The following BICD2 variants were observed in gnomAD, a reference collection of about 807,000 sequenced individuals.
The protein encoded by BICD2 is BICD cargo adaptor 2, also known as protein bicaudal D homolog 2.
Under a neutral mutation model 72.9 loss-of-function variants are expected in BICD2, and 25 were observed. The observed-to-expected ratio is 0.34, with a 90% confidence interval of 0.25 to 0.48. BICD2 has a LOEUF of 0.48. Ranked by LOEUF, BICD2 falls within the 20% of genes least tolerant of loss-of-function variation. The probability of loss-of-function intolerance (pLI) is 0.99; values close to 1 mark genes in which losing one functional copy is unlikely to be tolerated. For missense variants in BICD2, 894 were observed against 1,175.2 expected, an observed-to-expected ratio of 0.76 and a Z score of 3.50; for synonymous variants, 501 against 516.1, an observed-to-expected ratio of 0.97 and a Z score of 0.40.
intron 1 of BICD2, among the ~76,000 whole-genome samples, chr9:92,758,105 G>A (rs1410475123): frequency 6.6e-6 from 1 of 152,092 alleles, no homozygotes; most frequent in East Asian, 1.9e-4. Context: ...TCGGGAGGCT[G>A]AGGCAGGAGA....
At chr9:92,746,978 T>C (rs1854026438) in intron 1 of BICD2, among the ~76,000 whole-genome samples, 1 of 152,228 alleles carries the variant, frequency 6.6e-6, no homozygotes, top group Admixed American at 6.5e-5. Context: ...AATGTCTGAC[T>C]GTTGAGGTCA....
chr9:92,725,867 A>C (rs558072805), intron 2 of BICD2, among the ~76,000 whole-genome samples: 1 of 152,356 alleles, frequency 6.6e-6, no homozygotes, highest in Admixed American at 6.5e-5. Context: ...GGCAAATATG[A>C]AGAAAGATCT....
chr9:92,746,719 T>C (rs1854022063), intron 1 of BICD2, among the ~76,000 whole-genome samples: 1 of 152,098 alleles, frequency 6.6e-6, no homozygotes, highest in Non-Finnish European at 1.5e-5. Flanking sequence ...GTGATGGCTC[T>C]TAGAGAAGCC....
rs754808774 is a variant in BICD2, at chr9:92,764,695, G to C, written c.50C>G (p.Ala17Gly). 4 of 1,573,158 alleles carry C rather than the reference G, an allele frequency of 2.5e-6. No individual in the cohort carries two copies. The highest frequency in any genetic ancestry group is 3.4e-6 in the Non-Finnish European group (4 of 1,166,428). Residue 17 changes from alanine to glycine, a missense_variant, in exon 1 of 7, where the codon GCG (alanine) becomes GGG (glycine). Ala to Gly is a moderately conservative substitution (Grantham distance 60). Around this residue, in one of 5 missense-constraint regions of BICD2, gnomAD observed 192 missense variants for 243.6 expected, o/e 0.79. Transcript: ENST00000356884. The surrounding 1 kb of genome is among the most constrained non-coding windows in gnomAD (Gnocchi z 5.5). ...CTCGGCGCGCAGCCACTCCGGCTGC[G>C]CCTCCATCACCAGCCGCGCGTACTC... ...EEEYARLVME[A>G]QPEWLRAEVK...
In BICD2 at chr9:92,714,980, G is replaced by T. The variant is rs554742961; in HGVS notation, c.*174C>A. 4 of 1,402,890 alleles carry T rather than the reference G, an allele frequency of 2.9e-6. No homozygotes were observed. Among genetic ancestry groups the T allele is most frequent in the African/African-American group, 1.5e-5 (1 of 68,672 alleles). 86.9% of individuals were successfully genotyped at this position (1,402,890 alleles called of 1,614,324 possible). A position where few individuals can be genotyped will look rare whatever the true frequency, so the allele number is the denominator to read the frequency against. Reference sequence around the variant, plus strand: ...GAGGGGGCTTTGAGGAGTGAGAAGCGACACAAAGCTCTCACAAGTGTCCTG... The same window carrying T: ...GAGGGGGCTTTGAGGAGTGAGAAGCTACACAAAGCTCTCACAAGTGTCCTG... On this transcript the variant is annotated 3_prime_UTR_variant, in exon 7 of 7. Coordinates refer to ENST00000356884, the MANE Select transcript of BICD2 (RefSeq NM_001003800.2).
intron 1 of BICD2, among the ~76,000 whole-genome samples, chr9:92,750,070 A>G (rs1226850244): frequency 6.6e-6 from 1 of 152,220 alleles, no homozygotes; most frequent in Non-Finnish European, 1.5e-5. Flanking sequence ...AGAAAGAGAC[A>G]CCAGTAAGGT....
chr9:92,728,558 G>C (rs964058272), intron 2 of BICD2, among the ~76,000 whole-genome samples: 1 of 152,164 alleles, frequency 6.6e-6, no homozygotes, highest in African/African-American at 2.4e-5. Context: ...TCTCAGACAC[G>C]CACACCCTAC....
intron 1 of BICD2, among the ~76,000 whole-genome samples, chr9:92,738,809 T>C (rs1853840045): frequency 6.6e-6 from 1 of 152,220 alleles, no homozygotes; most frequent in South Asian, 2.1e-4. Flanking sequence ...GGAACAACAC[T>C]TGCCAAGCCA....
At position 92,729,186 on chromosome 9, in the gene BICD2, C is replaced by T. The variant is rs781207294; in HGVS notation, c.291G>A (p.Glu97=). ...TNHKKVAADG[E]SREESLIQES... is the part of the protein sequence containing the mutation. ...CCTGGATCAGGCTCTCCTCCCGGCT[C>T]TCTCCGTCAGCAGCCACCTTCTTGT... is the stretch of plus-strand genomic sequence containing the variant. Residue 97 remains glutamate (E), a synonymous_variant, in exon 2 of 7, where the codon GAG becomes GAA. Coordinates refer to ENST00000356884, the MANE Select transcript of BICD2 (RefSeq NM_001003800.2). 1.2e-6 allele frequency: 2 copies of T among 1,614,258 alleles called. No individual in the cohort carries two copies. The highest frequency in any genetic ancestry group is 4.5e-5 in the East Asian group (2 of 44,892).
chr9:92,753,757 T>G (rs1426291563), intron 1 of BICD2, among the ~76,000 whole-genome samples: 1 of 151,518 alleles, frequency 6.6e-6, no homozygotes, highest in East Asian at 2.0e-4. Context: ...GCCAGGATGG[T>G]CTCGATCTCC....
intron 1 of BICD2, among the ~76,000 whole-genome samples, chr9:92,751,931 G>A (rs1042404284): frequency 3.3e-5 from 5 of 151,318 alleles, no homozygotes; most frequent in Non-Finnish European, 7.4e-5. Context: ...CAGCCTCCTG[G>A]GTAGCTGGGA....
chr9:92,737,189 A>C (rs947922453), intron 1 of BICD2, among the ~76,000 whole-genome samples: 2 of 152,178 alleles, frequency 1.3e-5, no homozygotes, highest in Admixed American at 1.3e-4. Context: ...CGATTTCCTC[A>C]TGTGAAACCT....
chr9:92,719,147 C>A lies in BICD2; in HGVS notation c.1498G>T (p.Ala500Ser), dbSNP rs764409038. ...TTCTTTAGCTCCTTCTCCAGCCGGG[C>A]CAGCAGCTCGCGGTCCTGGCGGCTG... ...KASRQDRELLARLEKELKKVS... is the reference protein window; with the variant it reads ...KASRQDRELLSRLEKELKKVS... Residue 500 changes from alanine (A) to serine (S), a missense_variant, in exon 5 of 7, where the codon GCC becomes TCC. This residue lies in a region of BICD2 where 371 missense variants were observed against 439.1 expected (regional missense o/e 0.84). Coordinates refer to ENST00000356884, the MANE Select transcript of BICD2 (RefSeq NM_001003800.2). 6.2e-7 allele frequency: 1 copy of A among 1,611,984 alleles called. No individual in the cohort carries two copies. Among genetic ancestry groups the A allele is most frequent in the African/African-American group, 1.3e-5 (1 of 75,068 alleles).
chr9:92,762,967 CT>C (rs1854401695), intron 1 of BICD2, among the ~76,000 whole-genome samples: 1 of 152,220 alleles, frequency 6.6e-6, no homozygotes, highest in African/African-American at 2.4e-5. Context: ...AGCCCCCTGC[CT>C]CCCTATCACA....
At chr9:92,748,954 C>T (rs138420426) in intron 1 of BICD2, among the ~76,000 whole-genome samples, 104 of 152,148 alleles carry the variant, frequency 6.8e-4, no homozygotes, top group African/African-American at 2.3e-3. Context: ...TTCTTTGCAG[C>T]AGGGTGGTTC....
At chr9:92,734,575 G>A (rs1333864139) in intron 1 of BICD2, among the ~76,000 whole-genome samples, 1 of 139,892 alleles carries the variant, frequency 7.1e-6, no homozygotes, top group Non-Finnish European at 1.5e-5. Flanking sequence ...ACCCAGGACA[G>A]CTGGAGTTAC....
At chr9:92,741,880 G>A (rs1305734358) in intron 1 of BICD2, among the ~76,000 whole-genome samples, 1 of 152,232 alleles carries the variant, frequency 6.6e-6, no homozygotes, top group Non-Finnish European at 1.5e-5. Context: ...AAAGGTCAGA[G>A]ATTTCAAATA....
At chr9:92,753,578 G>C (rs1340297159) in intron 1 of BICD2, among the ~76,000 whole-genome samples, 1 of 151,514 alleles carries the variant, frequency 6.6e-6, no homozygotes, top group Non-Finnish European at 1.5e-5. Context: ...TTGCTCTGTC[G>C]CCCAGGCTGG....
In BICD2 at chr9:92,764,813, TGCCGCCGCC is replaced by T. The variant is rs926915449; in HGVS notation, c.-78_-70del. 7.0e-5 allele frequency: 83 copies of T among 1,184,104 alleles called. No individual in the cohort carries two copies. The Middle Eastern group carries it at 1.1e-3, about 15-fold the overall frequency. The allele number at this position is 1,184,104 out of a possible 1,614,324, so 73.3% of individuals were successfully genotyped here. On this transcript the variant is annotated 5_prime_UTR_variant, in exon 1 of 7. Transcript: ENST00000356884. This position sits in a 1 kb window ranked among gnomAD's most constrained non-coding sequence, Gnocchi z 5.5. ...CCGGGCCCTCCTCAGCCGCCGCCGCTGCCGCCGCCGCCGCCGCCCTGCCCCGACGGCCGC... is the reference window on the plus strand; with the variant it reads ...CCGGGCCCTCCTCAGCCGCCGCCGCTGCCGCCGCCCTGCCCCGACGGCCGC...
Sources: allele counts gnomAD v4.1 joint callset (sites outside exome capture counted in the v4.1 genomes callset), GRCh38; gene constraint gnomAD v4.1.1; regional missense constraint gnomAD v4.1.1; non-coding constraint Gnocchi (gnomAD v3.1); transcripts MANE v1.5; gene names NCBI Gene and HGNC (gene_info 2026-07-23, HGNC 2026-07-21).